The following BRAF variants were observed in gnomAD, a reference collection of about 807,000 sequenced individuals.
The protein encoded by BRAF is B-Raf proto-oncogene, serine/threonine kinase.
BRAF carries 16 observed loss-of-function variants against 104.6 expected under a neutral mutation model. The observed-to-expected ratio is 0.15, with a 90% CI of 0.10 to 0.23. The LOEUF is 0.23. BRAF is among the 10% of genes least tolerant of loss of function. BRAF has a pLI of 1.00. For missense variants in BRAF, 541 were observed against 937.3 expected, an observed-to-expected ratio of 0.58 and a Z score of 5.52; for synonymous variants, 310 against 341.6, an observed-to-expected ratio of 0.91 and a Z score of 1.02.
At chr7:140,891,170 G>T (rs975559940) in intron 1 of BRAF, among the ~76,000 whole-genome samples, 2 of 152,120 alleles carry the variant, frequency 1.3e-5, no homozygotes, top group Admixed American at 1.3e-4. Context: ...GAGAGGGTGT[G>T]GGGTAGAGGG....
chr7:140,738,333 A>G (rs1796613456), intron 18 of BRAF, among the ~76,000 whole-genome samples: 1 of 152,154 alleles, frequency 6.6e-6, no homozygotes, highest in East Asian at 1.9e-4. Context: ...TAGATTTAAA[A>G]ATAAAGGATG....
chr7:140,784,899 G>C (rs993271216), intron 10 of BRAF, among the ~76,000 whole-genome samples: 1 of 151,984 alleles, frequency 6.6e-6, no homozygotes, highest in African/African-American at 2.4e-5. Context: ...CATCCACCTC[G>C]GCCTCCCAAA....
At chr7:140,921,459 T>G (rs1239697228) in intron 1 of BRAF, among the ~76,000 whole-genome samples, 2 of 152,068 alleles carry the variant, frequency 1.3e-5, no homozygotes, top group African/African-American at 2.4e-5. Context: ...AAGACTAAAA[T>G]CTACATCCTA....
intron 1 of BRAF, among the ~76,000 whole-genome samples, chr7:140,914,495 T>C (rs1817357872): frequency 6.6e-6 from 1 of 152,224 alleles, no homozygotes; most frequent in African/African-American, 2.4e-5. Context: ...AAGACCACTC[T>C]GAATCATAAT....
intron 2 of BRAF, among the ~76,000 whole-genome samples, chr7:140,839,597 G>A (rs1330817547): frequency 6.6e-6 from 1 of 152,080 alleles, no homozygotes; most frequent in Admixed American, 6.5e-5. Flanking sequence ...GGGCATGGTG[G>A]CATGCACATA....
chr7:140,767,088 C>T (rs1799404185), intron 14 of BRAF, among the ~76,000 whole-genome samples: 2 of 152,102 alleles, frequency 1.3e-5, no homozygotes, highest in African/African-American at 4.8e-5. Flanking sequence ...TCTGCAGCCT[C>T]ATCTTCCCAG....
intron 17 of BRAF, among the ~76,000 whole-genome samples, chr7:140,742,701 C>A (rs1037611631): frequency 2.0e-5 from 3 of 152,148 alleles, no homozygotes; most frequent in Non-Finnish European, 1.5e-5. Context: ...GCAATGGCAA[C>A]AAAAGCCAAA....
At chr7:140,806,976 A>G (rs1803718189) in intron 5 of BRAF, among the ~76,000 whole-genome samples, 1 of 152,204 alleles carries the variant, frequency 6.6e-6, no homozygotes, top group Admixed American at 6.6e-5. Context: ...ATCCACCTAG[A>G]AAAAACTCTG....
chr7:140,764,992 G>T (rs1380511280), intron 14 of BRAF, among the ~76,000 whole-genome samples: 9 of 152,172 alleles, frequency 5.9e-5, no homozygotes, highest in East Asian at 1.9e-4. Flanking sequence ...CATCACCAAG[G>T]CAATCCTAAG....
At chr7:140,836,923 T>C (rs1807401720) in intron 2 of BRAF, among the ~76,000 whole-genome samples, 1 of 152,182 alleles carries the variant, frequency 6.6e-6, no homozygotes, top group Admixed American at 6.5e-5. Flanking sequence ...AAATAAACCT[T>C]AGGAAAAGTA....
At chr7:140,923,529 G>A (rs1818484494) in intron 1 of BRAF, among the ~76,000 whole-genome samples, 1 of 152,146 alleles carries the variant, frequency 6.6e-6, no homozygotes, top group Non-Finnish European at 1.5e-5. Context: ...AGGACAAAAA[G>A]GAGGACAACA....
intron 14 of BRAF, among the ~76,000 whole-genome samples, chr7:140,772,090 G>C (rs1241723458): frequency 6.6e-6 from 1 of 152,098 alleles, no homozygotes; most frequent in Non-Finnish European, 1.5e-5. Flanking sequence ...GAATAGATAG[G>C]GGGAAATTAA....
chr7:140,757,952 A>C (rs537937820), intron 14 of BRAF: 1 of 152,348 alleles, frequency 6.6e-6, no homozygotes, highest in South Asian at 2.1e-4. Context: ...ACAATGAGAG[A>C]TTATCATTAA....
intron 1 of BRAF, among the ~76,000 whole-genome samples, chr7:140,863,391 A>G (rs1810615521): frequency 6.6e-6 from 1 of 152,228 alleles, no homozygotes; most frequent in South Asian, 2.1e-4. Flanking sequence ...GGTATCAGAA[A>G]AATTAGGCAA....
At chr7:140,833,708 A>G (rs1276935074) in intron 3 of BRAF, among the ~76,000 whole-genome samples, 1 of 152,152 alleles carries the variant, frequency 6.6e-6, no homozygotes, top group Non-Finnish European at 1.5e-5. Flanking sequence ...ATGACTTTTT[A>G]TTTTATTACT....
rs1199163418 is a variant in BRAF at position 140,721,295 on chromosome 7, A to C, written c.*5199T>G. 6 of 914,166 alleles carry C rather than the reference A, an allele frequency of 6.6e-6. No individual in the cohort carries two copies. The highest frequency in any genetic ancestry group is 5.2e-5 in the African/African-American group (3 of 57,878). The allele number at this position is 914,166 out of a possible 1,614,324, so 56.6% of individuals were successfully genotyped here. On this transcript the variant is annotated 3_prime_UTR_variant, in exon 20 of 20. Transcript: ENST00000644969. The stretch of plus-strand genomic sequence containing the variant: ...GAGTTGCCGACTAATTGCCCCATGC[A>C]TTTTTTTTTTTTAAAGCACTGTTAC...
At chr7:140,864,673 T>C (rs1438819692) in intron 1 of BRAF, among the ~76,000 whole-genome samples, 2 of 152,158 alleles carry the variant, frequency 1.3e-5, no homozygotes, top group African/African-American at 2.4e-5. Context: ...TAGATAAGAA[T>C]AGGAACACAT....
intron 1 of BRAF, among the ~76,000 whole-genome samples, chr7:140,918,504 T>C (rs977621866): frequency 6.6e-6 from 1 of 152,146 alleles, no homozygotes; most frequent in African/African-American, 2.4e-5. Context: ...GACTGGTAGA[T>C]ACGAGGCTGT....
At chr7:140,760,473 G>GC (rs2129004697) in intron 14 of BRAF, among the ~76,000 whole-genome samples, 1 of 151,912 alleles carries the variant, frequency 6.6e-6, no homozygotes, top group East Asian at 1.9e-4. Context: ...CAAAAGCCTG[G>GC]TTTGAGTGGG....
Sources: allele counts gnomAD v4.1 joint callset (sites outside exome capture counted in the v4.1 genomes callset), GRCh38; gene constraint gnomAD v4.1.1; transcripts MANE v1.5; gene names NCBI Gene and HGNC (gene_info 2026-07-23, HGNC 2026-07-21).